Variants in DMD observed in about 807,000 individuals in gnomAD.
The protein encoded by DMD is dystrophin.
Under a neutral mutation model 330.1 loss-of-function variants are expected in DMD, and 63 were observed. The observed-to-expected ratio is 0.19, with a 90% CI of 0.16 to 0.24. The LOEUF is 0.24. DMD is among the 10% of genes least tolerant of loss of function. The pLI, the probability that DMD is intolerant of heterozygous loss-of-function variation, is 1.00. For missense variants in DMD, 3,344 were observed against 2,684.1 expected, an observed-to-expected ratio of 1.25 and a Z score of -5.43; for synonymous variants, 1,223 against 959.8, an observed-to-expected ratio of 1.27 and a Z score of -5.07.
At chrX:31,982,463 G>A (rs990525563) in intron 44 of DMD, among the ~76,000 whole-genome samples, 1 of 111,703 alleles carries the variant, frequency 9.0e-6, no homozygotes, top group African/African-American at 3.3e-5. Flanking sequence ...GGAGTCTTCC[G>A]AAAAGAGATT....
chrX:31,179,957 G>C (rs1266147837), intron 69 of DMD, among the ~76,000 whole-genome samples: 1 of 111,660 alleles, frequency 9.0e-6, no homozygotes, highest in Non-Finnish European at 1.9e-5. Context: ...ATACAGGACA[G>C]ATAATAGGTG....
chrX:32,982,830 G>A lies in DMD; in HGVS notation c.93+37309C>T, dbSNP rs151280393. The stretch of plus-strand genomic sequence containing the variant: ...CCTGACACTTTCTAGGACAGGATGG[G>A]TAGATGCAATCCAGAGAATTGCCAA... On this transcript the variant is annotated intron_variant, in intron 2 of 78. Coordinates refer to ENST00000357033, the MANE Select transcript of DMD (RefSeq NM_004006.3). 8.1e-3 allele frequency among the ~76,000 whole-genome samples: 902 copies of A among 111,993 alleles called. 12 individuals are homozygous for A. Among genetic ancestry groups the A allele is most frequent in the African/African-American group, 0.027 (834 of 30,821 alleles).
At chrX:31,457,499 A>C (rs1330471700) in intron 59 of DMD, among the ~76,000 whole-genome samples, 1 of 111,932 alleles carries the variant, frequency 8.9e-6, no homozygotes, top group African/African-American at 3.2e-5. Context: ...ATGACTATTA[A>C]TAACTAGGCT....
At chrX:31,366,115 C>T (rs1323624762) in intron 60 of DMD, among the ~76,000 whole-genome samples, 1 of 111,465 alleles carries the variant, frequency 9.0e-6, no homozygotes, top group African/African-American at 3.3e-5. Context: ...CATAGATTCC[C>T]GGAAGTGATT....
At chrX:32,426,559 A>G (rs1368169859) in intron 29 of DMD, among the ~76,000 whole-genome samples, 1 of 111,808 alleles carries the variant, frequency 8.9e-6, no homozygotes, top group African/African-American at 3.3e-5. Context: ...GCCCTTGTGG[A>G]AAGCAGTTTG....
chrX:32,831,148 G>T (rs2079118939), intron 4 of DMD, among the ~76,000 whole-genome samples: 1 of 110,412 alleles, frequency 9.1e-6, no homozygotes, highest in Non-Finnish European at 1.9e-5. Flanking sequence ...AAATGACTGG[G>T]CTATGAGGAA....
chrX:32,398,395 A>G (rs944986507), intron 30 of DMD, among the ~76,000 whole-genome samples: 10 of 110,096 alleles, frequency 9.1e-5, no homozygotes, highest in African/African-American at 3.3e-4. Context: ...TGTCTCCCCT[A>G]CATTGTTCCT....
intron 43 of DMD, among the ~76,000 whole-genome samples, chrX:32,249,436 A>G (rs1422346652): frequency 8.9e-6 from 1 of 112,055 alleles, no homozygotes; most frequent in African/African-American, 3.2e-5. Flanking sequence ...TCATAATTTC[A>G]AAGAATCTTG....
At chrX:32,008,983 G>T (rs1232360186) in intron 44 of DMD, among the ~76,000 whole-genome samples, 1 of 111,698 alleles carries the variant, frequency 9.0e-6, no homozygotes, top group Non-Finnish European at 1.9e-5. Flanking sequence ...TACGTTTTGA[G>T]CTGGTAACTA....
At chrX:32,781,131 A>G (rs186185029) in intron 7 of DMD, among the ~76,000 whole-genome samples, 2 of 104,297 alleles carry the variant, frequency 1.9e-5, no homozygotes, top group Non-Finnish European at 3.9e-5. Context: ...AAAAGAAAAA[A>G]AAAAAAAAAA....
In DMD at chrX:31,889,620, G is replaced by GTCTCTC. The variant is rs34605571; in HGVS notation, c.6913-14253_6913-14248dup. Among the ~76,000 whole-genome samples, 498 of 80,494 alleles carry GTCTCTC rather than the reference G, an allele frequency of 6.2e-3. 2 individuals are homozygous for GTCTCTC. The highest frequency in any genetic ancestry group is 0.022 in the Middle Eastern group (3 of 136). The allele number at this position is 80,494 out of a possible 115,157, so 69.9% of individuals were successfully genotyped here. ...TAAATGTAATTTAATCTCTCTCTCT[G>GTCTCTC]TCTCTCTCTCTCTCTCTCTCTCTCT... On this transcript the variant is annotated intron_variant, in intron 47 of 78. Coordinates refer to ENST00000357033, the MANE Select transcript of DMD (RefSeq NM_004006.3).
intron 2 of DMD, among the ~76,000 whole-genome samples, chrX:32,969,328 G>A (rs867046124): frequency 1.1e-5 from 1 of 91,346 alleles, no homozygotes; most frequent in Non-Finnish European, 2.1e-5. Flanking sequence ...ATTCTCTCAC[G>A]TGCTACCACA....
At chrX:31,592,098 GC>G (rs1291314328) in intron 55 of DMD, among the ~76,000 whole-genome samples, 1 of 109,559 alleles carries the variant, frequency 9.1e-6, no homozygotes, top group Non-Finnish European at 1.9e-5. Flanking sequence ...TAGAGTGTGT[GC>G]TTCCTGACAA....
At chrX:31,665,095 C>A (rs1476806413) in intron 53 of DMD, among the ~76,000 whole-genome samples, 1 of 111,543 alleles carries the variant, frequency 9.0e-6, no homozygotes, top group East Asian at 2.8e-4. Context: ...GTGAAAGAGT[C>A]ATCATAAAAA....
chrX:31,366,507 AAAATAAAT>A (rs1341460612), intron 60 of DMD, among the ~76,000 whole-genome samples: 1 of 85,919 alleles, frequency 1.2e-5, no homozygotes, highest in Non-Finnish European at 2.2e-5. Context: ...CATAAAAAAA[AAAATAAAT>A]AAATAAAAAA....
intron 9 of DMD, among the ~76,000 whole-genome samples, chrX:32,667,411 G>A (rs1479931023): frequency 8.9e-6 from 1 of 111,997 alleles, no homozygotes; most frequent in Non-Finnish European, 1.9e-5. Context: ...GCCACTTTAT[G>A]AATAAATTGT....
chrX:32,860,056 C>T (rs750265601), intron 2 of DMD, among the ~76,000 whole-genome samples: 1 of 111,453 alleles, frequency 9.0e-6, no homozygotes, highest in Non-Finnish European at 1.9e-5. Context: ...CACGAAAGGA[C>T]CTAAAAACGA....
At chrX:32,778,780 G>A (rs181060784) in intron 7 of DMD, among the ~76,000 whole-genome samples, 141 of 111,028 alleles carry the variant, frequency 1.3e-3, no homozygotes, top group Non-Finnish European at 1.5e-3. Context: ...AAGCATTCCG[G>A]TGACTACATA....
chrX:31,812,467 C>A (rs1443348938), intron 50 of DMD, among the ~76,000 whole-genome samples: 1 of 105,944 alleles, frequency 9.4e-6, no homozygotes. Context: ...ACCTAATGTT[C>A]AATGACGAGT....
Sources: allele counts gnomAD v4.1 joint callset (sites outside exome capture counted in the v4.1 genomes callset), GRCh38; gene constraint gnomAD v4.1.1; transcripts MANE v1.5; gene names NCBI Gene and HGNC (gene_info 2026-07-23, HGNC 2026-07-21).